The following DCHS2 variants were observed in gnomAD, a reference collection of about 807,000 sequenced individuals.
DCHS2 encodes the protein protocadherin-23.
In DCHS2, 142 loss-of-function variants were observed where a neutral mutation model predicts 182.4. The ratio of observed to expected loss-of-function variants is 0.78; its 90% CI spans 0.68 to 0.89. DCHS2 has a LOEUF of 0.89. Ranked by LOEUF, DCHS2 falls within the 40% of genes least tolerant of loss-of-function variation. The pLI is 0.00. For missense variants in DCHS2, 4,319 were observed against 4,198.6 expected, an observed-to-expected ratio of 1.03 and a Z score of -0.79; for synonymous variants, 1,740 against 1,663.3, an observed-to-expected ratio of 1.05 and a Z score of -1.12.
intron 10 of DCHS2, among the ~76,000 whole-genome samples, chr4:154,308,233 T>C (rs1735527627): frequency 6.7e-6 from 1 of 149,834 alleles, no homozygotes; most frequent in South Asian, 2.1e-4. Context: ...CTCTGTGGCA[T>C]CATATATGGC....
intron 3 of DCHS2, among the ~76,000 whole-genome samples, chr4:154,347,834 C>A (rs1729430244): frequency 6.6e-6 from 1 of 151,866 alleles, no homozygotes; most frequent in East Asian, 1.9e-4. Context: ...CACCAAGGAG[C>A]ATTTTGGGAG....
intron 1 of DCHS2, among the ~76,000 whole-genome samples, chr4:154,398,119 C>T (rs1044217754): frequency 5.3e-5 from 8 of 152,160 alleles, no homozygotes; most frequent in African/African-American, 1.9e-4. Context: ...ACATGTTTAT[C>T]TTCTATGTTT....
In DCHS2 at chr4:154,255,587, C is replaced by T. The variant is rs149237023; in HGVS notation, c.6873G>A (p.Gln2291=). Residue 2291 remains glutamine (Q), a synonymous_variant, in exon 16 of 20, where the codon CAG becomes CAA. Coordinates refer to ENST00000357232, the MANE Select transcript of DCHS2 (RefSeq NM_001358235.2). The part of the protein sequence containing the change: ...ILSGNQEEAF[Q]IDALSGVITT... ...TTATCACACCACTCAGTGCATCAAT[C>T]TGGAATGCTTCTTCTTGGTTGCCAG... 67 of 1,614,054 alleles carry T rather than the reference C, an allele frequency of 4.2e-5. No individual in the cohort carries two copies. In the African/African-American group the frequency reaches 8.4e-4, roughly 20 times the overall value.
chr4:154,384,339 C>T (rs34927139), intron 1 of DCHS2: 564,390 of 1,601,746 alleles, frequency 0.35, 106,190 homozygotes, highest in East Asian at 0.67. Context: ...TATGGCCCTC[C>T]TCCTCATGCA....
intron 13 of DCHS2, among the ~76,000 whole-genome samples, chr4:154,297,579 CATCCACTT>C (rs1208858756): frequency 6.6e-6 from 1 of 152,152 alleles, no homozygotes; most frequent in African/African-American, 2.4e-5. Flanking sequence ...GAAGGCTCCC[CATCCACTT>C]ATTCATTAGC....
chr4:154,384,508 T>C (rs936839460), intron 1 of DCHS2: 1 of 1,556,598 alleles, frequency 6.4e-7, no homozygotes, highest in African/African-American at 1.4e-5. Context: ...AAAAAACCTC[T>C]GTCAATGTTC....
intron 1 of DCHS2, among the ~76,000 whole-genome samples, chr4:154,445,788 G>A (rs1253820605): frequency 6.9e-5 from 10 of 144,924 alleles, no homozygotes; most frequent in African/African-American, 2.1e-4. Flanking sequence ...TCCAGCCTGA[G>A]TGATAGAGCA....
chr4:154,295,392 A>G (rs1734875620), intron 13 of DCHS2, among the ~76,000 whole-genome samples: 1 of 152,232 alleles, frequency 6.6e-6, no homozygotes. Context: ...AATAGCAATG[A>G]CAGATAACAT....
chr4:154,283,415 T>C (rs1012070579), intron 13 of DCHS2, among the ~76,000 whole-genome samples: 1 of 137,374 alleles, frequency 7.3e-6, no homozygotes, highest in Non-Finnish European at 1.6e-5. Flanking sequence ...AAAGAAATAA[T>C]AGAGAAGCCA....
At chr4:154,468,110 C>G (rs540875908) in intron 1 of DCHS2, among the ~76,000 whole-genome samples, 1 of 152,110 alleles carries the variant, frequency 6.6e-6, no homozygotes, top group Admixed American at 6.6e-5. Context: ...GTTTCATATA[C>G]AAAAGGATTA....
intron 3 of DCHS2, among the ~76,000 whole-genome samples, chr4:154,345,106 A>AC (rs1229647498): frequency 6.6e-6 from 1 of 152,186 alleles, no homozygotes; most frequent in Non-Finnish European, 1.5e-5. Context: ...GTCGCCTGTA[A>AC]CAGTGTCTTG....
In DCHS2 at chr4:154,232,491, A is replaced by C. The variant is rs1731241060; in HGVS notation, c.*2045T>G. On this transcript the variant is annotated 3_prime_UTR_variant, in exon 20 of 20. Transcript: ENST00000357232. The stretch of plus-strand genomic sequence containing the variant: ...ATGAGTAAATAAATCACAGTAATAA[A>C]TAACTAACTTAGGGAATAGGTAGAT... The C allele has an allele frequency of 1.3e-5, 2 of 152,190 alleles. No homozygotes were observed. Among genetic ancestry groups the C allele is most frequent in the African/African-American group, 2.4e-5 (1 of 41,470 alleles). The allele number at this position is 152,190 out of a possible 1,614,324, so 9.4% of individuals were successfully genotyped here.
chr4:154,275,232 C>T (rs2111218725), intron 13 of DCHS2, among the ~76,000 whole-genome samples: 1 of 151,540 alleles, frequency 6.6e-6, no homozygotes, highest in East Asian at 1.9e-4. Flanking sequence ...AGTGAAAGCT[C>T]AGTCAAAAAA....
At chr4:154,399,862 C>G (rs1032239279) in intron 1 of DCHS2, among the ~76,000 whole-genome samples, 1 of 152,034 alleles carries the variant, frequency 6.6e-6, no homozygotes, top group African/African-American at 2.4e-5. Context: ...TGGGAGCAAA[C>G]GAATAGAGAG....
At chr4:154,391,372 G>T in intron 1 of DCHS2, 1 of 1,514,782 alleles carries the variant, frequency 6.6e-7, no homozygotes, top group South Asian at 1.3e-5. Context: ...TGTGCTACAG[G>T]TTCACATATG....
intron 3 of DCHS2, among the ~76,000 whole-genome samples, chr4:154,350,369 C>A (rs1196251719): frequency 6.6e-6 from 1 of 152,126 alleles, no homozygotes. Context: ...GCAGAAAGGA[C>A]TACATAATTA....
intron 1 of DCHS2, chr4:154,384,366 AC>A: frequency 6.2e-7 from 1 of 1,611,968 alleles, no homozygotes; most frequent in Non-Finnish European, 8.5e-7. Flanking sequence ...GACTGACCTC[AC>A]CTCAGTTTCC....
chr4:154,438,651 C>T (rs934688436), intron 1 of DCHS2, among the ~76,000 whole-genome samples: 2 of 152,146 alleles, frequency 1.3e-5, no homozygotes, highest in Non-Finnish European at 2.9e-5. Context: ...TTATTCAGGT[C>T]TTCTTTTATG....
chr4:154,476,814 T>C (rs1435777866), intron 1 of DCHS2, among the ~76,000 whole-genome samples: 1 of 152,254 alleles, frequency 6.6e-6, no homozygotes, highest in Non-Finnish European at 1.5e-5. Flanking sequence ...ATCTGATATA[T>C]GATAAGAGAT....
Sources: allele counts gnomAD v4.1 joint callset (sites outside exome capture counted in the v4.1 genomes callset), GRCh38; gene constraint gnomAD v4.1.1; transcripts MANE v1.5; gene names NCBI Gene and HGNC (gene_info 2026-07-23, HGNC 2026-07-21).